The following ITPKB variants were observed in gnomAD, a reference collection of about 807,000 sequenced individuals.
The protein encoded by ITPKB is inositol-trisphosphate 3-kinase B, also known as IP3 3-kinase B.
In ITPKB, 13 loss-of-function variants were observed where a neutral mutation model predicts 69.4. That is an observed-to-expected ratio of 0.19 (90% CI 0.12 to 0.30). The LOEUF is 0.30. ITPKB is among the 10% of genes least tolerant of loss of function. The pLI, the probability that ITPKB is intolerant of heterozygous loss-of-function variation, is 1.00. For synonymous variants in ITPKB, 584 were observed against 513.7 expected, an observed-to-expected ratio of 1.14 and a Z score of -1.85; for missense variants, 1,240 against 1,250.5, an observed-to-expected ratio of 0.99 and a Z score of 0.13.
Position 226,647,487 on chromosome 1 carries a change from G to A in ITPKB, c.2033-107C>T. The A allele has an allele frequency of 6.4e-6, 5 of 778,342 alleles. 1 individual carries two copies. In the South Asian group the frequency reaches 8.1e-5, roughly 13 times the overall value. 48.2% of individuals were successfully genotyped at this position (778,342 alleles called of 1,614,324 possible). A position where few individuals can be genotyped will look rare whatever the true frequency, so the allele number is the denominator to read the frequency against. ...CTCCCTGGGGATGGCTAAGCCTGGG[G>A]CTGAAGGTGTGTCTATGTCCCTGCT... is the stretch of plus-strand genomic sequence containing the variant. On this transcript the variant is annotated intron_variant, in intron 3 of 7. Coordinates refer to ENST00000429204, the MANE Select transcript of ITPKB (RefSeq NM_002221.4).
rs1657904279 is a variant in ITPKB, at chr1:226,738,852, G to A, written c.-206+189C>T. 6.6e-6 allele frequency among the ~76,000 whole-genome samples: 1 copy of A among 152,118 alleles called. No individual in the cohort carries two copies. The highest frequency in any genetic ancestry group is 2.4e-5 in the African/African-American group (1 of 41,426). ...CGGGTAGGAGAAATGCGGAGACCTC[G>A]TCTCTCCCTATTTTCTCCCCACCGC... On this transcript the variant is annotated intron_variant, in intron 1 of 7. Coordinates refer to ENST00000429204, the MANE Select transcript of ITPKB (RefSeq NM_002221.4). The surrounding 1 kb of genome is among the most constrained non-coding windows in gnomAD (Gnocchi z 4.2).
chr1:226,649,091 G>A (rs1357536076), intron 2 of ITPKB, among the ~76,000 whole-genome samples: 1 of 152,234 alleles, frequency 6.6e-6, no homozygotes, highest in African/African-American at 2.4e-5. Context: ...TAGATGCGGA[G>A]GCACCAGAGG....
At chr1:226,665,540 T>C (rs1669479901) in intron 2 of ITPKB, among the ~76,000 whole-genome samples, 2 of 151,632 alleles carry the variant, frequency 1.3e-5, no homozygotes, top group Non-Finnish European at 2.9e-5. Context: ...AAAGATGAAA[T>C]AGAACACCAA....
chr1:226,654,315 C>G lies in ITPKB; in HGVS notation c.1933-5544G>C, dbSNP rs1022395976. ...GAAGGGAGCTTGAGGAGCCGGCAGACAGCAGCCACATTCCCCTGCAACAGA... is the reference window on the plus strand; with the variant it reads ...GAAGGGAGCTTGAGGAGCCGGCAGAGAGCAGCCACATTCCCCTGCAACAGA... On this transcript the variant is annotated intron_variant, in intron 2 of 7. Transcript: ENST00000429204. Among the ~76,000 whole-genome samples the G allele has an allele frequency of 2.6e-5, 4 of 152,326 alleles. No individual in the cohort carries two copies. In the East Asian group the frequency reaches 5.8e-4, roughly 22 times the overall value.
chr1:226,663,234 T>C (rs1007277930), intron 2 of ITPKB, among the ~76,000 whole-genome samples: 4 of 152,208 alleles, frequency 2.6e-5, no homozygotes, highest in African/African-American at 9.6e-5. Context: ...GGGTGCTTAC[T>C]TAGCACTTTC....
At chr1:226,647,696 A>G (rs779379764) in intron 3 of ITPKB, among the ~76,000 whole-genome samples, 3 of 152,144 alleles carry the variant, frequency 2.0e-5, no homozygotes, top group Non-Finnish European at 4.4e-5. Flanking sequence ...TAGTGTTGCT[A>G]TTTTCATCCT....
intron 2 of ITPKB, among the ~76,000 whole-genome samples, chr1:226,700,341 C>T (rs1234615078): frequency 2.0e-5 from 3 of 151,940 alleles, no homozygotes; most frequent in South Asian, 2.1e-4. Context: ...TGGTGGCATA[C>T]GCTTGTAGTC....
chr1:226,735,350 T>G (rs1657712224), intron 2 of ITPKB, among the ~76,000 whole-genome samples, 177 bp downstream of exon 2: 1 of 152,242 alleles, frequency 6.6e-6, no homozygotes, highest in Non-Finnish European at 1.5e-5. Context: ...GCATGGTCAG[T>G]GCCTCTGCTT....
Position 226,634,307 on chromosome 1 carries a change from C to T in ITPKB, c.*364G>A. Reference sequence around the variant, plus strand: ...AACAGCACTGGCCGCCAGGGGGCAGCAGGCCTCCGCAGGTGGTAGGTCCAG... The same window carrying T: ...AACAGCACTGGCCGCCAGGGGGCAGTAGGCCTCCGCAGGTGGTAGGTCCAG... On this transcript the variant is annotated 3_prime_UTR_variant, in exon 8 of 8. Transcript: ENST00000429204. The surrounding 1 kb of genome is among the most constrained non-coding windows in gnomAD (Gnocchi z 6.3). 1 of 207,584 alleles carries T rather than the reference C, an allele frequency of 4.8e-6. No homozygotes were observed. Among genetic ancestry groups the T allele is most frequent in the Non-Finnish European group, 9.8e-6 (1 of 101,970 alleles). The allele number at this position is 207,584 out of a possible 1,614,324, so 12.9% of individuals were successfully genotyped here. A position where few individuals can be genotyped will look rare whatever the true frequency, so the allele number is the denominator to read the frequency against.
At chr1:226,645,495 G>A (rs1669043176) in intron 4 of ITPKB, among the ~76,000 whole-genome samples, 2 of 152,334 alleles carry the variant, frequency 1.3e-5, no homozygotes, top group South Asian at 4.1e-4. Context: ...GTGCTTGGCT[G>A]GCTGTGTCTT....
chr1:226,724,425 C>T (rs1166264682), intron 2 of ITPKB, among the ~76,000 whole-genome samples: 1 of 152,152 alleles, frequency 6.6e-6, no homozygotes, highest in Admixed American at 6.5e-5. Flanking sequence ...TGGTGGAGGT[C>T]GCAGGTTCGG....
chr1:226,683,554 C>T (rs1014260877), intron 2 of ITPKB, among the ~76,000 whole-genome samples: 4 of 152,020 alleles, frequency 2.6e-5, no homozygotes, highest in African/African-American at 4.8e-5. Flanking sequence ...GACCGCCTAC[C>T]CATGTCAAAG....
intron 2 of ITPKB, among the ~76,000 whole-genome samples, chr1:226,712,272 C>A (rs989135321): frequency 2.0e-5 from 3 of 152,168 alleles, no homozygotes; most frequent in African/African-American, 7.2e-5. Flanking sequence ...GCAGCCCAGA[C>A]CCCCTTCCTG....
At chr1:226,724,454 G>C (rs957937059) in intron 2 of ITPKB, among the ~76,000 whole-genome samples, 4 of 152,160 alleles carry the variant, frequency 2.6e-5, no homozygotes, top group African/African-American at 9.7e-5. Flanking sequence ...ACTAACAAAT[G>C]ACACCACAGC....
chr1:226,654,185 C>T (rs1669243518), intron 2 of ITPKB, among the ~76,000 whole-genome samples: 1 of 151,986 alleles, frequency 6.6e-6, no homozygotes, highest in Non-Finnish European at 1.5e-5. Flanking sequence ...CTTGAAAGAG[C>T]TAAAATATTC....
At chr1:226,704,655 T>C (rs1207301461) in intron 2 of ITPKB, among the ~76,000 whole-genome samples, 1 of 152,214 alleles carries the variant, frequency 6.6e-6, no homozygotes, top group Non-Finnish European at 1.5e-5. Context: ...AACAAAGCAG[T>C]GCATCATTCT....
chr1:226,644,166 C>A (rs569333330), intron 4 of ITPKB, among the ~76,000 whole-genome samples: 1 of 152,226 alleles, frequency 6.6e-6, no homozygotes, highest in Non-Finnish European at 1.5e-5. Context: ...TGGCTCAAAG[C>A]GGGCAGTCAC....
At chr1:226,664,017 A>C (rs1669449632) in intron 2 of ITPKB, among the ~76,000 whole-genome samples, 3 of 152,188 alleles carry the variant, frequency 2.0e-5, no homozygotes, top group Non-Finnish European at 4.4e-5. Flanking sequence ...GAGCATCGAC[A>C]TCCGTAGAGG....
intron 6 of ITPKB, among the ~76,000 whole-genome samples, 179 bp downstream of exon 6, chr1:226,639,378 G>T (rs914659818): frequency 6.6e-6 from 1 of 152,176 alleles, no homozygotes; most frequent in African/African-American, 2.4e-5. Context: ...TTTTGAAAGG[G>T]CAGAGTGAGA....
Sources: allele counts gnomAD v4.1 joint callset (sites outside exome capture counted in the v4.1 genomes callset), GRCh38; gene constraint gnomAD v4.1.1; non-coding constraint Gnocchi (gnomAD v3.1); transcripts MANE v1.5; gene names NCBI Gene and HGNC (gene_info 2026-07-23, HGNC 2026-07-21).